Variants in GREB1 observed in about 807,000 individuals in gnomAD.
GREB1 encodes protein GREB1.
In GREB1, 106 loss-of-function variants were observed where a neutral mutation model predicts 200.7. The observed-to-expected ratio is 0.53, with a 90% CI of 0.45 to 0.62. The LOEUF is 0.62. Ranked by LOEUF, GREB1 falls within the 20% of genes least tolerant of loss-of-function variation. The pLI, the probability that GREB1 is intolerant of heterozygous loss-of-function variation, is 0.00. For missense variants in GREB1, 2,243 were observed against 2,556.8 expected, an observed-to-expected ratio of 0.88 and a Z score of 2.65; for synonymous variants, 1,132 against 1,092.4, an observed-to-expected ratio of 1.04 and a Z score of -0.72.
At chr2:11,593,238 G>A in intron 11 of GREB1, 112 bp downstream of exon 11, 1 of 694,526 alleles carries the variant, frequency 1.4e-6, no homozygotes. Flanking sequence ...TGCAGCAGCA[G>A]TTAGCACCTG....
intron 24 of GREB1, 98 bp from the exon 25 acceptor site, chr2:11,626,864 T>C: frequency 8.0e-7 from 1 of 1,247,494 alleles, no homozygotes; most frequent in Non-Finnish European, 1.2e-6. Flanking sequence ...AATCCTGTTG[T>C]CTGGTCATTT....
chr2:11,592,030 T>C lies in GREB1; in HGVS notation c.1346-746T>C, dbSNP rs904014610. 5 of 980,264 alleles carry C rather than the reference T, an allele frequency of 5.1e-6. No homozygotes were observed. The African/African-American group carries it at 7.0e-5, about 14-fold the overall frequency. 60.7% of individuals were successfully genotyped at this position (980,264 alleles called of 1,614,324 possible). A position where few individuals can be genotyped will look rare whatever the true frequency, so the allele number is the denominator to read the frequency against. On this transcript the variant is annotated intron_variant, in intron 10 of 32. Transcript: ENST00000381486. The stretch of plus-strand genomic sequence containing the variant: ...GTCCTGGAGTAGGAGAAAGCCTATA[T>C]TCCCAGGCTGAATGTTCTACACATT...
intron 1 of GREB1, among the ~76,000 whole-genome samples, chr2:11,490,733 C>CCTGT (rs1672758440): frequency 6.7e-6 from 1 of 149,942 alleles, no homozygotes; most frequent in Non-Finnish European, 1.5e-5. Context: ...ATTTTTAGTA[C>CCTGT]AGACAGGGTT....
rs112573519 is a variant in GREB1, at chr2:11,586,229, G to T, written c.1159+324G>T. Among the ~76,000 whole-genome samples the T allele has an allele frequency of 3.3e-3, 504 of 152,356 alleles. 4 individuals carry two copies. The highest frequency in any genetic ancestry group is 0.011 in the African/African-American group (439 of 41,580). ...TCATTGAGCTTCTGCCGTGGTCCCA[G>T]ACCCGGTGCTGAGTGCCGAAGATTA... On this transcript the variant is annotated intron_variant, in intron 9 of 32. Coordinates refer to ENST00000381486, the MANE Select transcript of GREB1 (RefSeq NM_014668.4).
chr2:11,576,465 G>C lies in GREB1; in HGVS notation c.567G>C (p.Leu189Phe). 1 of 1,614,012 alleles carries C rather than the reference G, an allele frequency of 6.2e-7. No individual in the cohort carries two copies. The highest frequency in any genetic ancestry group is 8.5e-7 in the Non-Finnish European group (1 of 1,179,848). ...LTTQPKKQKH[L>F]KYYLVRNAQG... ...CTCAACCCAAGAAGCAGAAACACTTGAAGTATTACCTGGTCCGTAATGCAC... is the reference window on the plus strand; with the variant it reads ...CTCAACCCAAGAAGCAGAAACACTTCAAGTATTACCTGGTCCGTAATGCAC... Residue 189 changes from leucine to phenylalanine, a missense_variant, in exon 5 of 33, where the codon TTG becomes TTC. Leu to Phe is a conservative substitution (Grantham distance 22). Transcript: ENST00000381486.
At chr2:11,519,448 G>GTT (rs1558497818) in intron 1 of GREB1, among the ~76,000 whole-genome samples, 14 of 90,174 alleles carry the variant, frequency 1.6e-4, no homozygotes, top group African/African-American at 5.8e-4. Flanking sequence ...TACTTGTTTT[G>GTT]GTTTTTTTTT....
At chr2:11,584,931 C>T in intron 7 of GREB1, 1 of 388,356 alleles carries the variant, frequency 2.6e-6, no homozygotes, top group South Asian at 5.4e-5. Flanking sequence ...AGTGGAGGAC[C>T]ACCAGGTTGC....
In GREB1 at chr2:11,506,031, G is replaced by A. The variant is rs12622394; in HGVS notation, c.-159+23650G>A. 2.0e-3 allele frequency among the ~76,000 whole-genome samples: 307 copies of A among 152,306 alleles called. 9 individuals are homozygous for A. In the East Asian group the frequency reaches 0.053, roughly 26 times the overall value. ...ACTAATGGTTCTACAGTGAAGGAGC[G>A]ACAGGGCTGGGTATCAAAGCCTGTT... On this transcript the variant is annotated intron_variant, in intron 1 of 2. Coordinates refer to the GREB1 transcript ENST00000628795.
At chr2:11,596,055 T>C in intron 12 of GREB1, 56 bp from the exon 13 acceptor site, 1 of 1,551,410 alleles carries the variant, frequency 6.4e-7, no homozygotes, top group Non-Finnish European at 8.8e-7. Flanking sequence ...GCGCTGTAGA[T>C]GTTTGCTGAA....
At chr2:11,573,095 T>C (rs543431873) in intron 4 of GREB1, among the ~76,000 whole-genome samples, 1 of 152,290 alleles carries the variant, frequency 6.6e-6, no homozygotes, top group African/African-American at 2.4e-5. Flanking sequence ...ATCACCTAAC[T>C]GTAGTTAGGA....
At chr2:11,526,136 A>G (rs1252188312) in intron 1 of GREB1, among the ~76,000 whole-genome samples, 1 of 152,188 alleles carries the variant, frequency 6.6e-6, no homozygotes, top group Non-Finnish European at 1.5e-5. Context: ...TTAATTATGG[A>G]TAGAGCCCTA....
intron 1 of GREB1, among the ~76,000 whole-genome samples, chr2:11,506,059 GT>G (rs1673175412): frequency 6.6e-6 from 1 of 152,170 alleles, no homozygotes; most frequent in Non-Finnish European, 1.5e-5. Context: ...AGCCTGTTGC[GT>G]TTGTTTATTG....
At chr2:11,593,358 G>A (rs1471391705) in intron 11 of GREB1, among the ~76,000 whole-genome samples, 1 of 152,198 alleles carries the variant, frequency 6.6e-6, no homozygotes, top group Non-Finnish European at 1.5e-5. Flanking sequence ...GTCAGCTTGG[G>A]AATGTGGAAA....
intron 3 of GREB1, 115 bp from the exon 4 acceptor site, chr2:11,566,365 C>T (rs922207612): frequency 9.2e-6 from 9 of 978,528 alleles, no homozygotes; most frequent in Admixed American, 3.1e-5. Context: ...AGGTCAAGCA[C>T]ACCCAGGGGT....
In GREB1 at chr2:11,556,554, G is replaced by C; in HGVS notation, c.-61G>C. On this transcript the variant is annotated 5_prime_UTR_variant, in exon 2 of 33. Transcript: ENST00000381486. Reference sequence around the variant, plus strand: ...TGTTTCACCTTCTACCTTGCGTGGAGCCAGGCTTTTGCACCGAATCTGAGA... The same window carrying C: ...TGTTTCACCTTCTACCTTGCGTGGACCCAGGCTTTTGCACCGAATCTGAGA... The C allele has an allele frequency of 7.1e-7, 1 of 1,408,814 alleles. No individual in the cohort carries two copies. Among genetic ancestry groups the C allele is most frequent in the Non-Finnish European group, 9.8e-7 (1 of 1,019,538 alleles). The allele number at this position is 1,408,814 out of a possible 1,614,324, so 87.3% of individuals were successfully genotyped here.
intron 1 of GREB1, among the ~76,000 whole-genome samples, chr2:11,501,363 G>A (rs1441756651): frequency 6.6e-6 from 1 of 152,156 alleles, no homozygotes; most frequent in East Asian, 1.9e-4. Context: ...GCAGATCTCC[G>A]AGTTACCATG....
chr2:11,573,350 G>A (rs955805093), intron 4 of GREB1, among the ~76,000 whole-genome samples: 5 of 152,332 alleles, frequency 3.3e-5, no homozygotes, highest in Admixed American at 1.3e-4. Context: ...GTTTTCCATG[G>A]TGAGGACACT....
Position 11,548,341 on chromosome 2 carries a change from C to T in GREB1, c.-161-8113C>T, listed in dbSNP as rs1675496563. On this transcript the variant is annotated intron_variant, in intron 1 of 32. Coordinates refer to ENST00000381486, the MANE Select transcript of GREB1 (RefSeq NM_014668.4). This position sits in a 1 kb window ranked among gnomAD's most constrained non-coding sequence, Gnocchi z 5.1. The stretch of plus-strand genomic sequence containing the variant: ...ACACGCACACACCCAGACACGTGCA[C>T]ACATGCATATACCCCAACACAGATG... 6.9e-6 allele frequency among the ~76,000 whole-genome samples: 1 copy of T among 145,170 alleles called. No homozygotes were observed. Among genetic ancestry groups the T allele is most frequent in the Non-Finnish European group, 1.5e-5 (1 of 67,956 alleles).
intron 1 of GREB1, among the ~76,000 whole-genome samples, chr2:11,495,585 T>C (rs1672862449): frequency 6.6e-6 from 1 of 152,122 alleles, no homozygotes; most frequent in South Asian, 2.1e-4. Flanking sequence ...TCAATCCTCA[T>C]GACAACCTTA....
Sources: gnomAD v4.1 joint callset for allele counts (sites outside exome capture counted in the v4.1 genomes callset) on GRCh38, gnomAD v4.1.1 for gene constraint, Gnocchi (gnomAD v3.1) non-coding constraint, MANE v1.5 for transcripts, NCBI Gene and HGNC (gene_info 2026-07-23, HGNC 2026-07-21) for gene names.